Variants in ADAM22 observed in about 807,000 individuals in gnomAD.
ADAM22 encodes the protein disintegrin and metalloproteinase domain-containing protein 22.
Under a neutral mutation model 144.6 loss-of-function variants are expected in ADAM22, and 65 were observed. The observed-to-expected ratio is 0.45, with a 90% CI of 0.37 to 0.55. ADAM22 has a LOEUF of 0.55. Among genes scored for constraint, ADAM22 ranks in the 20% least tolerant of loss-of-function variants. The probability of loss-of-function intolerance (pLI) is 0.00; values close to 1 mark genes in which losing one functional copy is unlikely to be tolerated. For missense variants in ADAM22, 974 were observed against 1,184.9 expected (o/e 0.82, Z 2.61); for synonymous variants, 391 against 412.6 (o/e 0.95, Z 0.63).
intron 4 of ADAM22, 100 bp from the exon 5 acceptor site, chr7:88,108,076 C>A: frequency 1.3e-6 from 1 of 798,218 alleles, no homozygotes; most frequent in South Asian, 1.7e-5. Flanking sequence ...ATGCAGAGTT[C>A]TAGATGTGGA....
intron 2 of ADAM22, among the ~76,000 whole-genome samples, chr7:87,947,092 C>T (rs1204307320): frequency 1.3e-5 from 2 of 152,014 alleles, no homozygotes; most frequent in African/African-American, 4.8e-5. Context: ...GAAAAACTAA[C>T]TGCTGGGTAC....
chr7:88,113,706 AT>A (rs1563245726), intron 5 of ADAM22, among the ~76,000 whole-genome samples: 2,229 of 68,892 alleles, frequency 0.032, 164 homozygotes, highest in African/African-American at 0.088. Flanking sequence ...ATAAATAAAT[AT>A]ATATATATAT....
intron 2 of ADAM22, among the ~76,000 whole-genome samples, chr7:87,952,113 C>A (rs1845386604): frequency 6.6e-6 from 1 of 151,584 alleles, no homozygotes. Flanking sequence ...TTCCTCTTTT[C>A]CTAATTGAAG....
At chr7:88,120,576 T>G (rs1829042926) in intron 7 of ADAM22, among the ~76,000 whole-genome samples, 2 of 152,258 alleles carry the variant, frequency 1.3e-5, no homozygotes, top group Non-Finnish European at 2.9e-5. Flanking sequence ...TGCATTTTTC[T>G]TGTGATTAAT....
chr7:88,082,622 T>A (rs369553176), intron 4 of ADAM22, among the ~76,000 whole-genome samples: 2 of 151,984 alleles, frequency 1.3e-5, no homozygotes, highest in South Asian at 2.1e-4. Flanking sequence ...ATCTACAATG[T>A]ACTCAAACAA....
At chr7:88,098,111 G>T (rs1038986848) in intron 4 of ADAM22, among the ~76,000 whole-genome samples, 2 of 152,104 alleles carry the variant, frequency 1.3e-5, no homozygotes, top group African/African-American at 4.8e-5. Flanking sequence ...CTTGACAGCT[G>T]CATATTAATT....
intron 2 of ADAM22, among the ~76,000 whole-genome samples, chr7:87,948,215 A>G (rs1042935991): frequency 3.3e-5 from 5 of 152,162 alleles, no homozygotes; most frequent in African/African-American, 1.2e-4. Context: ...TCTCTATGCA[A>G]CTAAAGTAAA....
intron 14 of ADAM22, among the ~76,000 whole-genome samples, chr7:88,139,705 C>A (rs1201267460): frequency 6.6e-6 from 1 of 151,936 alleles, no homozygotes; most frequent in Non-Finnish European, 1.5e-5. Context: ...AAGTAGAATA[C>A]CATGGATAGT....
intron 5 of ADAM22, among the ~76,000 whole-genome samples, chr7:88,109,958 G>C (rs557742710): frequency 6.6e-6 from 1 of 152,098 alleles, no homozygotes; most frequent in Admixed American, 6.6e-5. Flanking sequence ...GACACCTCTG[G>C]TCAGGATCTG....
At chr7:88,022,124 A>G (rs1405528367) in intron 3 of ADAM22, among the ~76,000 whole-genome samples, 2 of 151,712 alleles carry the variant, frequency 1.3e-5, no homozygotes, top group African/African-American at 4.8e-5. Flanking sequence ...TCAAACCCCT[A>G]ACCTCAAGTG....
intron 3 of ADAM22, among the ~76,000 whole-genome samples, chr7:88,071,563 C>T (rs1317511971): frequency 2.0e-5 from 3 of 151,848 alleles, no homozygotes; most frequent in Non-Finnish European, 2.9e-5. Flanking sequence ...TAATACTGTA[C>T]GAGCTGTCTC....
intron 21 of ADAM22, among the ~76,000 whole-genome samples, chr7:88,153,945 CT>C (rs1159277011): frequency 6.6e-6 from 1 of 152,138 alleles, no homozygotes; most frequent in East Asian, 1.9e-4. Context: ...TCTTTTGGGT[CT>C]TTTTTACTGT....
chr7:88,128,416 T>C (rs977673482), intron 8 of ADAM22, among the ~76,000 whole-genome samples, 186 bp from the exon 9 acceptor site: 1 of 152,038 alleles, frequency 6.6e-6, no homozygotes, highest in African/African-American at 2.4e-5. Flanking sequence ...TTATACTTTT[T>C]AAATTTTCTG....
At chr7:88,143,572 G>A (rs1257088306) in intron 15 of ADAM22, among the ~76,000 whole-genome samples, 3 of 152,082 alleles carry the variant, frequency 2.0e-5, no homozygotes, top group Non-Finnish European at 4.4e-5. Flanking sequence ...GTATTTCTCA[G>A]TATGAAAAAC....
At chr7:87,974,363 C>A (rs1034302148) in intron 2 of ADAM22, among the ~76,000 whole-genome samples, 1 of 151,690 alleles carries the variant, frequency 6.6e-6, no homozygotes, top group Non-Finnish European at 1.5e-5. Context: ...TTCTCTTTGG[C>A]CTATTTATCA....
chr7:87,981,718 A>C (rs994826886), intron 3 of ADAM22, among the ~76,000 whole-genome samples: 2 of 151,994 alleles, frequency 1.3e-5, no homozygotes, highest in African/African-American at 4.8e-5. Flanking sequence ...GAAAGTAAAA[A>C]TCACCATGGA....
In ADAM22 at chr7:87,978,388, T is replaced by C. The variant is rs1852421112; in HGVS notation, c.299T>C (p.Phe100Ser). 1.2e-6 allele frequency: 2 copies of C among 1,613,654 alleles called. No individual in the cohort carries two copies. Among genetic ancestry groups the C allele is most frequent in the Non-Finnish European group, 1.7e-6 (2 of 1,179,804 alleles). ...CAGGTTGATGCCTTTGGAACGTCATTCATTCTCGATGTCGTGCTAAATCAG... is the reference window on the plus strand; with the variant it reads ...CAGGTTGATGCCTTTGGAACGTCATCCATTCTCGATGTCGTGCTAAATCAG... ...SFQVDAFGTS[F>S]ILDVVLNHDL... The change falls in exon 3 of 32, where the codon TTC (phenylalanine) becomes TCC (serine). Residue 100 changes from phenylalanine (F) to serine (S), a missense_variant. This residue lies in a region of ADAM22 where 240 missense variants were observed against 234.3 expected (regional missense o/e 1.02). Transcript: ENST00000413139.
At chr7:88,054,480 C>G (rs1463951219) in intron 3 of ADAM22, among the ~76,000 whole-genome samples, 2 of 152,132 alleles carry the variant, frequency 1.3e-5, no homozygotes, top group Non-Finnish European at 2.9e-5. Flanking sequence ...AGTCTGTTTT[C>G]CTTCAAGACT....
intron 29 of ADAM22, 134 bp downstream of exon 29, chr7:88,182,158 G>A: frequency 1.3e-6 from 1 of 774,386 alleles, no homozygotes; most frequent in Admixed American, 3.1e-5. Context: ...ATTCTTTTTT[G>A]CCCTTTAAAA....
Sources: gnomAD v4.1 joint callset for allele counts (sites outside exome capture counted in the v4.1 genomes callset) on GRCh38, gnomAD v4.1.1 for gene constraint, gnomAD v4.1.1 regional missense constraint, MANE v1.5 for transcripts, NCBI Gene and HGNC (gene_info 2026-07-23, HGNC 2026-07-21) for gene names.